The following KHDRBS2 variants were observed in gnomAD, a reference collection of about 807,000 sequenced individuals.
KHDRBS2 encodes the protein KH domain-containing, RNA-binding, signal transduction-associated protein 2.
In KHDRBS2, 26 loss-of-function variants were observed where a neutral mutation model predicts 44.3. That is an observed-to-expected ratio of 0.59 (90% confidence interval 0.43 to 0.81). KHDRBS2 has a LOEUF of 0.81. KHDRBS2 is among the 40% of genes least tolerant of loss of function. KHDRBS2 has a pLI of 0.00. For synonymous variants in KHDRBS2, 194 were observed against 151.1 expected (o/e 1.28, Z -2.08); for missense variants, 476 against 433.1 (o/e 1.10, Z -0.88).
chr6:62,255,241 G>C (rs763641796), intron 1 of KHDRBS2, among the ~76,000 whole-genome samples: 35 of 152,032 alleles, frequency 2.3e-4, no homozygotes, highest in Non-Finnish European at 3.7e-4. Context: ...TTTTAGGGTA[G>C]CCTGGAGAAT....
At chr6:62,007,827 T>C (rs1179832996) in intron 3 of KHDRBS2, among the ~76,000 whole-genome samples, 1 of 152,162 alleles carries the variant, frequency 6.6e-6, no homozygotes, top group Non-Finnish European at 1.5e-5. Flanking sequence ...ATCTATGATA[T>C]ATTTATAAAG....
chr6:61,736,714 C>T (rs9351145), intron 6 of KHDRBS2, among the ~76,000 whole-genome samples: 54,585 of 151,656 alleles, frequency 0.36, 10,568 homozygotes, highest in East Asian at 0.48. Context: ...CCTATGTTTC[C>T]CCCATTTCCA....
intron 2 of KHDRBS2, among the ~76,000 whole-genome samples, chr6:62,068,609 C>A (rs533130279): frequency 6.6e-6 from 1 of 151,616 alleles, no homozygotes; most frequent in African/African-American, 2.4e-5. Context: ...TGATTTCCTA[C>A]AAGAATCATA....
At chr6:62,212,382 A>G (rs1160210077) in intron 1 of KHDRBS2, among the ~76,000 whole-genome samples, 1 of 152,072 alleles carries the variant, frequency 6.6e-6, no homozygotes, top group Non-Finnish European at 1.5e-5. Flanking sequence ...ATTTAAGTAT[A>G]TGAGAGATAA....
chr6:61,773,240 A>G (rs1781300902), intron 6 of KHDRBS2, among the ~76,000 whole-genome samples: 1 of 152,194 alleles, frequency 6.6e-6, no homozygotes, highest in African/African-American at 2.4e-5. Flanking sequence ...TGGTTGAAGT[A>G]GTTTACAGTC....
intron 6 of KHDRBS2, among the ~76,000 whole-genome samples, chr6:61,875,874 AATT>A (rs1186754291): frequency 1.3e-5 from 2 of 151,874 alleles, no homozygotes; most frequent in African/African-American, 4.8e-5. Flanking sequence ...TTATTTATTA[AATT>A]ATTATTTTAT....
At chr6:61,734,028 A>G (rs1359172109) in intron 6 of KHDRBS2, among the ~76,000 whole-genome samples, 3 of 152,198 alleles carry the variant, frequency 2.0e-5, no homozygotes, top group South Asian at 2.1e-4. Flanking sequence ...AATCTTTGAC[A>G]TTAGTCTTGA....
intron 6 of KHDRBS2, among the ~76,000 whole-genome samples, chr6:61,802,869 T>C (rs1444943395): frequency 6.6e-6 from 1 of 152,142 alleles, no homozygotes; most frequent in African/African-American, 2.4e-5. Context: ...ACTACATTCA[T>C]GTCTCCATCC....
chr6:61,984,928 C>G (rs896344266), intron 3 of KHDRBS2, among the ~76,000 whole-genome samples: 1 of 152,242 alleles, frequency 6.6e-6, no homozygotes, highest in African/African-American at 2.4e-5. Flanking sequence ...CAATTATAAG[C>G]ACAAACACAG....
intron 3 of KHDRBS2, among the ~76,000 whole-genome samples, chr6:61,987,578 T>C (rs529660973): frequency 5.4e-4 from 83 of 152,310 alleles, no homozygotes; most frequent in African/African-American, 1.9e-3. Context: ...TGCACAGCTT[T>C]TACCATCAAG....
At chr6:62,086,716 T>C (rs887195469) in intron 2 of KHDRBS2, among the ~76,000 whole-genome samples, 3 of 152,158 alleles carry the variant, frequency 2.0e-5, no homozygotes, top group Non-Finnish European at 4.4e-5. Flanking sequence ...AATCATTAAA[T>C]TGTATTCACT....
intron 3 of KHDRBS2, among the ~76,000 whole-genome samples, chr6:61,983,248 T>TCTTTCTTTCTTTCTTTCTTTCTTTC (rs1416908763): frequency 1.9e-4 from 8 of 42,668 alleles, no homozygotes; most frequent in African/African-American, 6.6e-4. Context: ...TTTTTTTTTT[T>TCTTTCTTTCTTTCTTTCTTTCTTTC]TTTTTTTTTA....
chr6:62,117,412 T>C (rs1414060536), intron 2 of KHDRBS2, among the ~76,000 whole-genome samples: 4 of 152,226 alleles, frequency 2.6e-5, no homozygotes, highest in African/African-American at 4.8e-5. Context: ...TTTTGAGAGA[T>C]GTCTATTCAA....
intron 2 of KHDRBS2, among the ~76,000 whole-genome samples, chr6:62,136,483 A>T (rs1398424318): frequency 1.3e-5 from 2 of 152,218 alleles, no homozygotes; most frequent in Non-Finnish European, 2.9e-5. Context: ...TACCATTAAT[A>T]CATTTTATTC....
At chr6:62,038,936 A>G (rs944679357) in intron 3 of KHDRBS2, among the ~76,000 whole-genome samples, 1 of 152,066 alleles carries the variant, frequency 6.6e-6, no homozygotes, top group African/African-American at 2.4e-5. Flanking sequence ...TTAATTAATA[A>G]TGTATTGTAT....
intron 6 of KHDRBS2, among the ~76,000 whole-genome samples, chr6:61,771,657 C>A (rs925541806): frequency 6.6e-5 from 10 of 152,226 alleles, no homozygotes; most frequent in Admixed American, 2.0e-4. Context: ...TATATATGCA[C>A]CCAATACAGG....
intron 1 of KHDRBS2, among the ~76,000 whole-genome samples, chr6:62,262,375 T>C (rs1003261564): frequency 3.3e-5 from 5 of 151,706 alleles, no homozygotes; most frequent in African/African-American, 4.8e-5. Context: ...TCATTTTGTA[T>C]ATAACCAGGT....
chr6:62,035,970 C>A (rs1238310262), intron 3 of KHDRBS2, among the ~76,000 whole-genome samples: 1 of 151,950 alleles, frequency 6.6e-6, no homozygotes, highest in Admixed American at 6.6e-5. Context: ...GATCAATTTT[C>A]TAACCTACAA....
intron 2 of KHDRBS2, among the ~76,000 whole-genome samples, chr6:62,173,812 C>T (rs890044848): frequency 6.6e-6 from 1 of 151,752 alleles, no homozygotes; most frequent in African/African-American, 2.4e-5. Context: ...AATAAAAAAC[C>T]ATATGATCAT....
Sources: allele counts gnomAD v4.1 joint callset (sites outside exome capture counted in the v4.1 genomes callset), GRCh38; gene constraint gnomAD v4.1.1; transcripts MANE v1.5; gene names NCBI Gene and HGNC (gene_info 2026-07-23, HGNC 2026-07-21).